The following KL variants were observed in gnomAD, a reference collection of about 807,000 sequenced individuals.
The protein encoded by KL is alpha-klotho.
In KL, 62 loss-of-function variants were observed where a neutral mutation model predicts 84.2. The ratio of observed to expected loss-of-function variants is 0.74; its 90% confidence interval spans 0.60 to 0.91. The LOEUF (loss-of-function observed/expected upper bound fraction) is 0.91, where lower values mean the gene tolerates loss of function less well. Among genes scored for constraint, KL ranks in the 40% least tolerant of loss-of-function variants. KL has a pLI of 0.00. For missense variants in KL, 1,261 were observed against 1,305.7 expected (o/e 0.97, Z 0.53); for synonymous variants, 528 against 528.0 (o/e 1.00, Z 0.00).
At position 33,061,123 on chromosome 13, in the gene KL, A is replaced by T; in HGVS notation, c.2044A>T (p.Lys682Ter). Reference protein sequence around the residue: ...LCFQELGHHVKLWITMNEPYT... With the variant: ...LCFQELGHHV ...CTTTCAAGAGCTCGGCCATCACGTCAAGCTTTGGATAACGATGAATGAGCC... is the reference window on the plus strand; with the variant it reads ...CTTTCAAGAGCTCGGCCATCACGTCTAGCTTTGGATAACGATGAATGAGCC... Residue 682 changes from lysine (K) to a stop codon, truncating the protein, a stop_gained, in exon 4 of 5, where the codon AAG becomes TAG. Coordinates refer to ENST00000380099, the MANE Select transcript of KL (RefSeq NM_004795.4). LOFTEE classifies it high-confidence loss of function. The T allele has an allele frequency of 6.2e-7, 1 of 1,614,176 alleles. No individual in the cohort carries two copies.
intron 3 of KL, among the ~76,000 whole-genome samples, chr13:33,057,396 C>T (rs1401987767): frequency 1.3e-5 from 2 of 152,098 alleles, no homozygotes; most frequent in East Asian, 3.9e-4. Context: ...ATCCTATTTC[C>T]TTGAGGGAGA....
chr13:33,050,041 A>T (rs930702349), intron 1 of KL, among the ~76,000 whole-genome samples: 17 of 152,144 alleles, frequency 1.1e-4, no homozygotes, highest in African/African-American at 4.1e-4. Context: ...ATGTTAATTG[A>T]TATTCTTTTG....
chr13:33,058,660 CT>C lies in KL; in HGVS notation c.1600-2010del, dbSNP rs201214267. ...CGGCCTGTCCTGTATTTTCAAGAAA[CT>C]TTTTTTTTCCTCCAGAAATGATACC... On this transcript the variant is annotated intron_variant, in intron 3 of 4. Transcript: ENST00000380099. 7.0e-3 allele frequency among the ~76,000 whole-genome samples: 1,066 copies of C among 151,500 alleles called. 4 individuals carry two copies. Among genetic ancestry groups the C allele is most frequent in the South Asian group, 0.013 (62 of 4,776 alleles).
rs2138248409 is a variant in KL, at chr13:33,064,533, C to T, written c.*347C>T. ...GATTAGGAATATTTTCTTCTGCACC[C>T]ACTTCTAAATTTAATGTTTTTCTGG... On this transcript the variant is annotated 3_prime_UTR_variant, in exon 5 of 5. Transcript: ENST00000380099. 3.7e-6 allele frequency: 1 copy of T among 273,650 alleles called. No individual in the cohort carries two copies. Among genetic ancestry groups the T allele is most frequent in the Non-Finnish European group, 7.0e-6 (1 of 143,020 alleles). The allele number at this position is 273,650 out of a possible 1,614,324, so 17.0% of individuals were successfully genotyped here. A position where few individuals can be genotyped will look rare whatever the true frequency, so the allele number is the denominator to read the frequency against.
At chr13:33,028,373 T>G (rs1373074607) in intron 1 of KL, among the ~76,000 whole-genome samples, 2 of 152,178 alleles carry the variant, frequency 1.3e-5, no homozygotes, top group Non-Finnish European at 2.9e-5. Context: ...TGTCAATCAT[T>G]CATGAGAGTC....
chr13:33,054,393 A>G lies in KL; in HGVS notation c.1330+116A>G, dbSNP rs1871875384. 1.8e-5 allele frequency: 20 copies of G among 1,100,022 alleles called. No individual in the cohort carries two copies. In the South Asian group the frequency reaches 2.7e-4, roughly 15 times the overall value. 68.1% of individuals were successfully genotyped at this position (1,100,022 alleles called of 1,614,324 possible). The stretch of plus-strand genomic sequence containing the variant: ...TTTTTAAATCCTAATGGAGACATTC[A>G]TTTTGGCAATAGTAGAATGCATTCA... On this transcript the variant is annotated intron_variant, in intron 2 of 4. Transcript: ENST00000380099.
At chr13:33,044,996 C>T (rs549960197) in intron 1 of KL, among the ~76,000 whole-genome samples, 1 of 151,924 alleles carries the variant, frequency 6.6e-6, no homozygotes, top group Non-Finnish European at 1.5e-5. Flanking sequence ...AATCAACATG[C>T]CTTTTATGTT....
intron 1 of KL, among the ~76,000 whole-genome samples, chr13:33,045,107 A>G (rs997102929): frequency 6.6e-6 from 1 of 152,076 alleles, no homozygotes; most frequent in Non-Finnish European, 1.5e-5. Context: ...TTCTTTTGGA[A>G]CTTATTATAA....
chr13:33,033,957 A>G (rs926983059), intron 1 of KL, among the ~76,000 whole-genome samples: 1 of 152,160 alleles, frequency 6.6e-6, no homozygotes, highest in Non-Finnish European at 1.5e-5. Context: ...AAAGATGAAC[A>G]CACACCCTCA....
At position 33,062,378 on chromosome 13, in the gene KL, T is replaced by TC. The variant is rs200018264; in HGVS notation, c.2701+599dup. Among the ~76,000 whole-genome samples, 863 of 120,154 alleles carry TC rather than the reference T, an allele frequency of 7.2e-3. 4 individuals are homozygous for TC. The highest frequency in any genetic ancestry group is 0.011 in the Non-Finnish European group (614 of 54,830). 78.8% of individuals were successfully genotyped at this position (120,154 alleles called of 152,430 possible). A position where few individuals can be genotyped will look rare whatever the true frequency, so the allele number is the denominator to read the frequency against. The stretch of plus-strand genomic sequence containing the variant: ...CTGGGTGACAGAGCAAGACACTATT[T>TC]CAAAAAAAAAAAGACCAAGCATGGT... On this transcript the variant is annotated intron_variant, in intron 4 of 4. Coordinates refer to ENST00000380099, the MANE Select transcript of KL (RefSeq NM_004795.4).
At chr13:33,055,025 T>C (rs1326531179) in intron 2 of KL, 22 bp from the exon 3 acceptor site, 1 of 1,614,128 alleles carries the variant, frequency 6.2e-7, no homozygotes, top group African/African-American at 1.3e-5. Flanking sequence ...CATGTTGCTC[T>C]TGTCCCCTCT....
chr13:33,046,273 C>G (rs533990301), intron 1 of KL, among the ~76,000 whole-genome samples: 25 of 152,218 alleles, frequency 1.6e-4, no homozygotes, highest in African/African-American at 5.5e-4. Flanking sequence ...TAGTCCTGGG[C>G]TTTTCTTAGT....
chr13:33,051,453 C>T (rs1358601705), intron 1 of KL, among the ~76,000 whole-genome samples: 2 of 152,114 alleles, frequency 1.3e-5, no homozygotes, highest in African/African-American at 4.8e-5. Flanking sequence ...ATTGCTTGAG[C>T]CTGGGAGGTA....
chr13:33,022,550 A>G (rs548758873), intron 1 of KL, among the ~76,000 whole-genome samples: 1 of 152,372 alleles, frequency 6.6e-6, no homozygotes, highest in East Asian at 1.9e-4. Flanking sequence ...ACAGATAAGC[A>G]GAATGTGACT....
chr13:33,016,878 C>G lies in KL; in HGVS notation c.438C>G (p.His146Gln). The change falls in exon 1 of 5, where the codon CAC becomes CAG. Residue 146 changes from histidine (H) to glutamine (Q), a missense_variant. Transcript: ENST00000380099. ...TEALRELGVT[H>Q]YRFSISWARV... ...CGCTGCGCGAGCTCGGGGTCACTCA[C>G]TACCGCTTCTCCATCTCGTGGGCGC... 1.2e-6 allele frequency: 2 copies of G among 1,612,666 alleles called. No homozygotes were observed. Among genetic ancestry groups the G allele is most frequent in the East Asian group, 2.2e-5 (1 of 44,836 alleles).
At chr13:33,049,391 C>G (rs921535623) in intron 1 of KL, among the ~76,000 whole-genome samples, 2 of 152,140 alleles carry the variant, frequency 1.3e-5, no homozygotes, top group African/African-American at 4.8e-5. Flanking sequence ...ATAAAAGACT[C>G]AATGCCTTCA....
At chr13:33,038,956 A>G (rs1049004445) in intron 1 of KL, among the ~76,000 whole-genome samples, 6 of 152,216 alleles carry the variant, frequency 3.9e-5, no homozygotes, top group South Asian at 2.1e-4. Context: ...TCGTTACATA[A>G]AAGTCAGAAA....
chr13:33,023,981 G>C (rs974718090), intron 1 of KL, among the ~76,000 whole-genome samples: 1 of 152,188 alleles, frequency 6.6e-6, no homozygotes, highest in Non-Finnish European at 1.5e-5. Context: ...TGAAGCAGGA[G>C]GAACTCAGTT....
At chr13:33,051,078 C>T (rs17643609) in intron 1 of KL, among the ~76,000 whole-genome samples, 4,843 of 152,280 alleles carry the variant, frequency 0.032, 353 homozygotes, top group Admixed American at 0.16. Context: ...TTGGTTTGTT[C>T]ATCCTCTAGA....
Sources: gnomAD v4.1 joint callset for allele counts (sites outside exome capture counted in the v4.1 genomes callset) on GRCh38, gnomAD v4.1.1 for gene constraint, MANE v1.5 for transcripts, NCBI Gene and HGNC (gene_info 2026-07-23, HGNC 2026-07-21) for gene names.